The following SEMA5A variants were observed in gnomAD, a reference collection of about 807,000 sequenced individuals.
SEMA5A encodes the protein semaphorin-5A.
A neutral mutation model predicts 135.5 loss-of-function variants in SEMA5A; 55 were observed. The observed-to-expected ratio is 0.41, with a 90% CI of 0.33 to 0.51. SEMA5A has a LOEUF of 0.51. SEMA5A is among the 20% of genes least tolerant of loss of function. SEMA5A has a pLI of 0.37. For synonymous variants in SEMA5A, 580 were observed against 546.5 expected (o/e 1.06, Z -0.85); for missense variants, 1,290 against 1,419.9 (o/e 0.91, Z 1.47).
chr5:9,352,094 C>CGGGT (rs1554023407), intron 3 of SEMA5A, among the ~76,000 whole-genome samples: 17 of 132,252 alleles, frequency 1.3e-4, no homozygotes, highest in Non-Finnish European at 1.6e-5. Flanking sequence ...TGTAACAGGT[C>CGGGT]GGGGGGGTTA....
chr5:9,301,695 G>A (rs1751618224), intron 5 of SEMA5A, among the ~76,000 whole-genome samples: 1 of 152,060 alleles, frequency 6.6e-6, no homozygotes, highest in South Asian at 2.1e-4. Context: ...CACTGATTAA[G>A]GGCACTTGGG....
Position 9,387,113 on chromosome 5 carries a change from C to T in SEMA5A, c.-77-7090G>A, listed in dbSNP as rs1483704971. ...GGCCACATCAGGATGGGTCCTGCTA[C>T]CTTCTGGCTGCTTATATTCTACAGC... On this transcript the variant is annotated intron_variant, in intron 2 of 22. Transcript: ENST00000382496. Among the ~76,000 whole-genome samples, 4 of 152,188 alleles carry T rather than the reference C, an allele frequency of 2.6e-5. No homozygotes were observed. In the South Asian group the frequency reaches 8.3e-4, roughly 31 times the overall value.
rs371411667 is a variant in SEMA5A at position 9,263,587 on chromosome 5, G to T, written c.271-25697C>A. ...GGTCTCTGGTGTCAAGAAGACTGGG[G>T]ACCACTGATCTAAGTCGTTAGAACT... On this transcript the variant is annotated intron_variant, in intron 5 of 22. Transcript: ENST00000382496. Among the ~76,000 whole-genome samples, 6 of 152,290 alleles carry T rather than the reference G, an allele frequency of 3.9e-5. No homozygotes were observed. The East Asian group carries it at 9.6e-4, about 24-fold the overall frequency.
rs1561207793 is a variant in SEMA5A at position 9,384,607 on chromosome 5, GATAGATAGATACATAGATAGATAGAT to G, written c.-77-4610_-77-4585del. ...AGATAGATAGATAGATAGATAGATAGATAGATAGATACATAGATAGATAGATAGATAGATAGATAGATAGATAGATA... is the reference window on the plus strand; with the variant it reads ...AGATAGATAGATAGATAGATAGATAGAGATAGATAGATAGATAGATAGATA... On this transcript the variant is annotated intron_variant, in intron 2 of 22. Transcript: ENST00000382496. Among the ~76,000 whole-genome samples, 3 of 87,184 alleles carry G rather than the reference GATAGATAGATACATAGATAGATAGAT, an allele frequency of 3.4e-5. 1 individual carries two copies. Among genetic ancestry groups the G allele is most frequent in the African/African-American group, 1.2e-4 (3 of 25,034 alleles). The allele number at this position is 87,184 out of a possible 152,430, so 57.2% of individuals were successfully genotyped here.
intron 12 of SEMA5A, among the ~76,000 whole-genome samples, chr5:9,152,933 A>G (rs1185945852): frequency 1.3e-5 from 2 of 152,278 alleles, no homozygotes; most frequent in African/African-American, 4.8e-5. Flanking sequence ...TTAGCTGGGC[A>G]TGCTGGCACA....
chr5:9,223,626 A>G (rs1322785374), intron 8 of SEMA5A, among the ~76,000 whole-genome samples: 1 of 152,230 alleles, frequency 6.6e-6, no homozygotes, highest in Non-Finnish European at 1.5e-5. Flanking sequence ...ACTCTGGTCT[A>G]CATAATTAGC....
At position 9,119,086 on chromosome 5, in the gene SEMA5A, T is replaced by C; in HGVS notation, c.1837A>G (p.Ile613Val). The C allele has an allele frequency of 6.2e-7, 1 of 1,613,816 alleles. No individual in the cohort carries two copies. Among genetic ancestry groups the C allele is most frequent in the Non-Finnish European group, 8.5e-7 (1 of 1,179,960 alleles). ...GAGCGCTGCCGCACCTGGAAGCCGATCCCACAGGTAGTGCTGCAGGGAGAC... is the reference window on the plus strand; with the variant it reads ...GAGCGCTGCCGCACCTGGAAGCCGACCCCACAGGTAGTGCTGCAGGGAGAC... The part of the protein sequence containing the change: ...SWSPCSTTCG[I>V]GFQVRQRSCS... The change falls in exon 15 of 23, where the codon ATC becomes GTC. Residue 613 changes from isoleucine to valine, a missense_variant. This residue lies in a region of SEMA5A where 1,029 missense variants were observed against 1,086.6 expected (regional missense o/e 0.95). Transcript: ENST00000382496.
chr5:9,348,174 C>G (rs1753959767), intron 3 of SEMA5A, among the ~76,000 whole-genome samples: 1 of 152,208 alleles, frequency 6.6e-6, no homozygotes. Flanking sequence ...ATCTGCCTCA[C>G]AGGCTAGAGT....
At chr5:9,053,294 C>T (rs1302835625) in intron 19 of SEMA5A, among the ~76,000 whole-genome samples, 1 of 152,226 alleles carries the variant, frequency 6.6e-6, no homozygotes. Context: ...CTATGAGGTG[C>T]ACTTCACAGC....
At chr5:9,313,454 A>G (rs1279449195) in intron 5 of SEMA5A, among the ~76,000 whole-genome samples, 1 of 152,128 alleles carries the variant, frequency 6.6e-6, no homozygotes, top group East Asian at 1.9e-4. Context: ...CTCCCACTCC[A>G]TTAAAGTTAT....
intron 11 of SEMA5A, among the ~76,000 whole-genome samples, chr5:9,156,073 T>C (rs1323178919): frequency 3.3e-5 from 5 of 152,186 alleles, no homozygotes; most frequent in Admixed American, 2.0e-4. Flanking sequence ...AGAGCATGTA[T>C]TTGTGTTCAT....
chr5:9,124,487 C>T (rs971051594), intron 13 of SEMA5A, among the ~76,000 whole-genome samples: 2 of 152,086 alleles, frequency 1.3e-5, no homozygotes, highest in Non-Finnish European at 2.9e-5. Context: ...GATGGAGTCT[C>T]GCTCTGTTGC....
At chr5:9,324,269 C>T (rs373694638) in intron 4 of SEMA5A, among the ~76,000 whole-genome samples, 6 of 151,844 alleles carry the variant, frequency 4.0e-5, no homozygotes, top group South Asian at 4.2e-4. Flanking sequence ...GGGGTTTCAC[C>T]GTGTTAGCCA....
At position 9,546,020 on chromosome 5, in the gene SEMA5A, G is replaced by A. The variant is rs1738374240; in HGVS notation, c.-611C>T. ...AGCCCACCCGCGGCGGGAAAGCAGC[G>A]CTCGGGAGCGGGCTCAGGGAGAGCA... On this transcript the variant is annotated 5_prime_UTR_variant, in exon 1 of 23. Coordinates refer to ENST00000382496, the MANE Select transcript of SEMA5A (RefSeq NM_003966.3). 1 of 152,128 alleles carries A rather than the reference G, an allele frequency of 6.6e-6. No homozygotes were observed. The highest frequency in any genetic ancestry group is 2.4e-5 in the African/African-American group (1 of 41,428). 9.4% of individuals were successfully genotyped at this position (152,128 alleles called of 1,614,324 possible).
At chr5:9,306,994 T>G (rs1394206590) in intron 5 of SEMA5A, among the ~76,000 whole-genome samples, 1 of 152,228 alleles carries the variant, frequency 6.6e-6, no homozygotes, top group Non-Finnish European at 1.5e-5. Context: ...ACATGTATAG[T>G]CATGCCTAAT....
At chr5:9,420,530 A>G (rs1419632799) in intron 2 of SEMA5A, among the ~76,000 whole-genome samples, 1 of 152,202 alleles carries the variant, frequency 6.6e-6, no homozygotes, top group Non-Finnish European at 1.5e-5. Context: ...TGGTATTTTA[A>G]GACGGGAACT....
At chr5:9,500,196 A>C (rs2126818570) in intron 1 of SEMA5A, among the ~76,000 whole-genome samples, 1 of 152,312 alleles carries the variant, frequency 6.6e-6, no homozygotes, top group South Asian at 2.1e-4. Flanking sequence ...CAGTTTATAA[A>C]GTTTTGATTA....
chr5:9,507,652 C>A (rs941732007), intron 1 of SEMA5A, among the ~76,000 whole-genome samples: 1 of 152,100 alleles, frequency 6.6e-6, no homozygotes, highest in Non-Finnish European at 1.5e-5. Context: ...GTGACCCAGG[C>A]AGAACTCGTG....
chr5:9,505,298 G>C (rs1050357205), intron 1 of SEMA5A, among the ~76,000 whole-genome samples: 1 of 152,122 alleles, frequency 6.6e-6, no homozygotes, highest in Non-Finnish European at 1.5e-5. Context: ...TTTCAGTAGA[G>C]AGCTCATTTG....
Sources: gnomAD v4.1 joint callset for allele counts (sites outside exome capture counted in the v4.1 genomes callset) on GRCh38, gnomAD v4.1.1 for gene constraint, gnomAD v4.1.1 regional missense constraint, MANE v1.5 for transcripts, NCBI Gene and HGNC (gene_info 2026-07-23, HGNC 2026-07-21) for gene names.